ARHGAP15: variants seen among roughly 807,000 people sequenced by gnomAD.
ARHGAP15 encodes the protein rho GTPase-activating protein 15.
Under a neutral mutation model 63.7 loss-of-function variants are expected in ARHGAP15, and 51 were observed. That is an observed-to-expected ratio of 0.80 (90% CI 0.64 to 1.01). The LOEUF (loss-of-function observed/expected upper bound fraction) is 1.01, where lower values mean the gene tolerates loss of function less well. ARHGAP15 is among the 50% of genes least tolerant of loss of function. ARHGAP15 has a pLI of 0.00. For synonymous variants in ARHGAP15, 191 were observed against 193.8 expected (o/e 0.99, Z 0.12); for missense variants, 560 against 564.6 (o/e 0.99, Z 0.08).
chr2:143,521,640 A>T (rs1480767128), intron 10 of ARHGAP15, among the ~76,000 whole-genome samples: 1 of 152,170 alleles, frequency 6.6e-6, no homozygotes, highest in African/African-American at 2.4e-5. Flanking sequence ...ACTCAACTGC[A>T]GAGTCATGGG....
chr2:143,464,065 T>A (rs1473996951), intron 8 of ARHGAP15, among the ~76,000 whole-genome samples: 1 of 152,196 alleles, frequency 6.6e-6, no homozygotes, highest in Admixed American at 6.5e-5. Context: ...TCTTACCCTC[T>A]TTTCAAAGAA....
At chr2:143,300,092 A>G (rs190178513) in intron 6 of ARHGAP15, among the ~76,000 whole-genome samples, 4 of 152,176 alleles carry the variant, frequency 2.6e-5, no homozygotes, top group African/African-American at 9.6e-5. Flanking sequence ...TGAAATGTGT[A>G]TAGACAAACT....
At chr2:143,479,907 A>T (rs964857209) in intron 8 of ARHGAP15, among the ~76,000 whole-genome samples, 8 of 152,142 alleles carry the variant, frequency 5.3e-5, no homozygotes, top group Non-Finnish European at 1.0e-4. Context: ...CTGGCTTATA[A>T]AAGGAAACCA....
chr2:143,201,361 C>G (rs1443934424), intron 2 of ARHGAP15, among the ~76,000 whole-genome samples: 3 of 151,728 alleles, frequency 2.0e-5, no homozygotes, highest in African/African-American at 7.3e-5. Flanking sequence ...ATTTAATGTT[C>G]CATTTTTAAT....
At chr2:143,435,778 C>G (rs1689588609) in intron 7 of ARHGAP15, 79 bp downstream of exon 7, 1 of 1,376,116 alleles carries the variant, frequency 7.3e-7, no homozygotes, top group South Asian at 1.3e-5. Context: ...ATATAACACA[C>G]ACACTCATTT....
chr2:143,583,529 T>TG (rs34224950), intron 11 of ARHGAP15, among the ~76,000 whole-genome samples: 61 of 151,618 alleles, frequency 4.0e-4, no homozygotes, highest in South Asian at 6.3e-4. Context: ...AAGACAAAAA[T>TG]GGGGGGGGTG....
chr2:143,510,435 A>G (rs1377188861), intron 9 of ARHGAP15, among the ~76,000 whole-genome samples: 1 of 152,228 alleles, frequency 6.6e-6, no homozygotes, highest in Non-Finnish European at 1.5e-5. Context: ...GACAATGCTG[A>G]TGCTGGTGGT....
intron 9 of ARHGAP15, among the ~76,000 whole-genome samples, chr2:143,513,654 C>T (rs180876361): frequency 2.6e-5 from 4 of 152,310 alleles, no homozygotes; most frequent in Admixed American, 2.6e-4. Context: ...CTCTCATAAC[C>T]ATTCTGCTGC....
chr2:143,673,093 C>A (rs912866713), intron 12 of ARHGAP15, among the ~76,000 whole-genome samples: 12 of 152,122 alleles, frequency 7.9e-5, no homozygotes, highest in Admixed American at 7.9e-4. Flanking sequence ...CCTGGGCACA[C>A]TTGATGCTAC....
At chr2:143,514,869 T>C (rs1693741830) in intron 9 of ARHGAP15, among the ~76,000 whole-genome samples, 1 of 152,140 alleles carries the variant, frequency 6.6e-6, no homozygotes, top group Non-Finnish European at 1.5e-5. Flanking sequence ...TGAGTAGAAA[T>C]CTGCAATGCG....
At chr2:143,315,458 C>T (rs577826354) in intron 6 of ARHGAP15, among the ~76,000 whole-genome samples, 15 of 152,200 alleles carry the variant, frequency 9.9e-5, no homozygotes, top group African/African-American at 3.6e-4. Flanking sequence ...CTCCCAAGCA[C>T]AGCTAAACAT....
At chr2:143,264,038 C>T (rs575882797) in intron 6 of ARHGAP15, among the ~76,000 whole-genome samples, 2 of 146,876 alleles carry the variant, frequency 1.4e-5, no homozygotes, top group South Asian at 2.2e-4. Flanking sequence ...TCCATGAAGC[C>T]CTAGGGGTGA....
intron 6 of ARHGAP15, among the ~76,000 whole-genome samples, chr2:143,423,054 G>A (rs1688995089): frequency 6.6e-6 from 1 of 152,132 alleles, no homozygotes; most frequent in African/African-American, 2.4e-5. Flanking sequence ...AGAAGCATCT[G>A]TTGAGTTGTG....
chr2:143,552,338 A>G (rs753224755), intron 10 of ARHGAP15, among the ~76,000 whole-genome samples: 10 of 152,200 alleles, frequency 6.6e-5, no homozygotes, highest in Non-Finnish European at 1.5e-4. Flanking sequence ...CCAGTTTTCA[A>G]CTATTTTTAA....
intron 10 of ARHGAP15, among the ~76,000 whole-genome samples, chr2:143,522,871 A>C (rs920110134): frequency 6.6e-6 from 1 of 152,176 alleles, no homozygotes; most frequent in African/African-American, 2.4e-5. Context: ...GTTATAGAAC[A>C]CTTTGTGTAG....
intron 3 of ARHGAP15, among the ~76,000 whole-genome samples, chr2:143,212,517 T>C (rs1274120762): frequency 6.6e-6 from 1 of 152,226 alleles, no homozygotes; most frequent in Non-Finnish European, 1.5e-5. Flanking sequence ...GGACTGCTAC[T>C]TCTTTAAAGA....
At position 143,471,215 on chromosome 2, in the gene ARHGAP15, TAC is replaced by T. The variant is rs1380937039; in HGVS notation, c.704-16150_704-16149del. On this transcript the variant is annotated intron_variant, in intron 8 of 13. Coordinates refer to ENST00000295095, the MANE Select transcript of ARHGAP15 (RefSeq NM_018460.4). ...ATACACACATATATGTGTGTATATATACACACACATGTGTATGTGTATATGTG... is the reference window on the plus strand; with the variant it reads ...ATACACACATATATGTGTGTATATATACACACATGTGTATGTGTATATGTG... Among the ~76,000 whole-genome samples, 222 of 147,770 alleles carry T rather than the reference TAC, an allele frequency of 1.5e-3. 1 individual carries two copies. Among genetic ancestry groups the T allele is most frequent in the African/African-American group, 4.4e-3 (172 of 39,374 alleles).
intron 6 of ARHGAP15, among the ~76,000 whole-genome samples, chr2:143,400,585 T>G (rs373706458): frequency 6.6e-6 from 1 of 151,958 alleles, no homozygotes; most frequent in East Asian, 1.9e-4. Context: ...AGGATACACA[T>G]GCAAAATTGA....
At chr2:143,635,889 G>C (rs1436028274) in intron 12 of ARHGAP15, among the ~76,000 whole-genome samples, 1 of 152,108 alleles carries the variant, frequency 6.6e-6, no homozygotes, top group Non-Finnish European at 1.5e-5. Flanking sequence ...ATAATTATGA[G>C]TGTTTTCTTT....
Sources: allele counts gnomAD v4.1 joint callset (sites outside exome capture counted in the v4.1 genomes callset), GRCh38; gene constraint gnomAD v4.1.1; transcripts MANE v1.5; gene names NCBI Gene and HGNC (gene_info 2026-07-23, HGNC 2026-07-21).